FGF13: variants seen among roughly 807,000 people sequenced by gnomAD.
FGF13 encodes fibroblast growth factor homologous factor 2.
Under a neutral mutation model 19.5 loss-of-function variants are expected in FGF13, and 2 were observed. The ratio of observed to expected loss-of-function variants is 0.10; its 90% CI spans 0.04 to 0.32. The LOEUF (loss-of-function observed/expected upper bound fraction) is 0.32, where lower values mean the gene tolerates loss of function less well. Ranked by LOEUF, FGF13 falls within the 10% of genes least tolerant of loss-of-function variation. FGF13 has a pLI of 1.00. For missense variants in FGF13, 113 were observed against 192.7 expected, an observed-to-expected ratio of 0.59 and a Z score of 2.45; for synonymous variants, 72 against 76.9, an observed-to-expected ratio of 0.94 and a Z score of 0.33.
chrX:138,713,648 C>G (rs939424561), upstream of FGF13, among the ~76,000 whole-genome samples: 1 of 111,413 alleles, frequency 9.0e-6, no homozygotes, highest in African/African-American at 3.3e-5. Flanking sequence ...AGGGCTTTCC[C>G]ACACCGTTTT....
At chrX:138,698,897 A>C (rs769047146) in intron 3 of FGF13, among the ~76,000 whole-genome samples, 1 of 112,047 alleles carries the variant, frequency 8.9e-6, no homozygotes, top group East Asian at 2.8e-4. Context: ...AAGCAGCCGT[A>C]GACAATAAGT....
intron 1 of FGF13, among the ~76,000 whole-genome samples, chrX:138,872,013 T>C (rs2091360061): frequency 8.9e-6 from 1 of 111,742 alleles, no homozygotes; most frequent in South Asian, 3.8e-4. Flanking sequence ...GGCGCAAAGA[T>C]GGAAGCAGGG....
At chrX:138,966,848 G>A (rs1392647741) in intron 1 of FGF13, among the ~76,000 whole-genome samples, 2 of 111,449 alleles carry the variant, frequency 1.8e-5, no homozygotes, top group Non-Finnish European at 3.8e-5. Context: ...ACAAAGTGGA[G>A]ATAACTGAAT....
At chrX:138,761,246 A>G (rs997142442) in intron 3 of FGF13, among the ~76,000 whole-genome samples, 2 of 111,805 alleles carry the variant, frequency 1.8e-5, no homozygotes, top group Non-Finnish European at 3.8e-5. Context: ...ATTCTCTACA[A>G]TGCTGCCTGC....
chrX:138,662,000 C>A lies in FGF13; in HGVS notation c.403-26345G>T, dbSNP rs1248322132. On this transcript the variant is annotated intron_variant, in intron 3 of 4. Transcript: ENST00000315930. ...ATAAAAATTCTAATCTGCATATTAACCAAGATTTTCTTCTCTTTGGAGGAG... is the reference window on the plus strand; with the variant it reads ...ATAAAAATTCTAATCTGCATATTAAACAAGATTTTCTTCTCTTTGGAGGAG... Among the ~76,000 whole-genome samples, 6 of 111,716 alleles carry A rather than the reference C, an allele frequency of 5.4e-5. No individual in the cohort carries two copies. The East Asian group carries it at 1.7e-3, about 32-fold the overall frequency.
chrX:138,954,435 C>A (rs1022164052), intron 1 of FGF13, among the ~76,000 whole-genome samples: 6 of 111,408 alleles, frequency 5.4e-5, no homozygotes, highest in African/African-American at 2.0e-4. Flanking sequence ...AATCCCTTAC[C>A]AGTTGTGTGG....
At chrX:139,049,406 T>C (rs1000035882) in intron 1 of FGF13, among the ~76,000 whole-genome samples, 8 of 111,974 alleles carry the variant, frequency 7.1e-5, no homozygotes, top group African/African-American at 2.6e-4. Flanking sequence ...AACCTAACTT[T>C]GTAATTAAAA....
intron 3 of FGF13, among the ~76,000 whole-genome samples, chrX:138,681,830 AG>A (rs942887001): frequency 4.5e-5 from 5 of 111,944 alleles, no homozygotes; most frequent in Non-Finnish European, 9.4e-5. Flanking sequence ...ATGGCCTGTC[AG>A]TAGAGCAGTC....
chrX:138,761,100 T>G (rs1189564812), intron 3 of FGF13, among the ~76,000 whole-genome samples: 1 of 111,988 alleles, frequency 8.9e-6, no homozygotes, highest in Non-Finnish European at 1.9e-5. Flanking sequence ...TCATATCATG[T>G]AGATTTATGT....
At chrX:138,808,123 A>G (rs1177833940) in intron 3 of FGF13, among the ~76,000 whole-genome samples, 1 of 111,789 alleles carries the variant, frequency 8.9e-6, no homozygotes, top group East Asian at 2.8e-4. Context: ...TCCACCCCAA[A>G]TCAACAGAAT....
At chrX:138,958,807 G>A (rs914516675) in intron 1 of FGF13, among the ~76,000 whole-genome samples, 22 of 111,729 alleles carry the variant, frequency 2.0e-4, no homozygotes, top group African/African-American at 6.5e-4. Context: ...GTTTATTTGT[G>A]TAGAGGTGTT....
At chrX:139,029,954 T>C (rs1378647085) in intron 1 of FGF13, among the ~76,000 whole-genome samples, 1 of 111,940 alleles carries the variant, frequency 8.9e-6, no homozygotes, top group Non-Finnish European at 1.9e-5. Context: ...CCATACCATC[T>C]TTCTCACAAC....
At chrX:138,983,590 T>C (rs1458313087) in intron 1 of FGF13, among the ~76,000 whole-genome samples, 1 of 108,400 alleles carries the variant, frequency 9.2e-6, no homozygotes, top group Non-Finnish European at 1.9e-5. Context: ...GAACGTAAAA[T>C]GGGGCAGCTG....
chrX:139,099,142 A>T (rs1466836987), intron 1 of FGF13, among the ~76,000 whole-genome samples: 2 of 111,040 alleles, frequency 1.8e-5, no homozygotes, highest in East Asian at 5.7e-4. Flanking sequence ...GGACACACGC[A>T]TCTTAGCCAT....
intron 1 of FGF13, among the ~76,000 whole-genome samples, chrX:138,926,881 G>A (rs2091676777): frequency 9.0e-6 from 1 of 111,461 alleles, no homozygotes; most frequent in African/African-American, 3.3e-5. Flanking sequence ...GCTTGAATCC[G>A]GGAGGCAGAG....
intron 1 of FGF13, among the ~76,000 whole-genome samples, chrX:139,097,501 C>T (rs1192552466): frequency 9.1e-6 from 1 of 110,105 alleles, no homozygotes; most frequent in Non-Finnish European, 1.9e-5. Context: ...CTACAATATA[C>T]CCAGGTAACA....
intron 1 of FGF13, among the ~76,000 whole-genome samples, chrX:138,876,208 A>G (rs949259279): frequency 8.9e-6 from 1 of 112,600 alleles, no homozygotes; most frequent in African/African-American, 3.2e-5. Flanking sequence ...ATACAGGGTG[A>G]TAGTTCCACA....
intron 3 of FGF13, among the ~76,000 whole-genome samples, chrX:138,641,740 T>C (rs2089253528): frequency 9.0e-6 from 1 of 111,490 alleles, no homozygotes; most frequent in African/African-American, 3.3e-5. Context: ...ATGAATTTCA[T>C]TATTACTGAG....
intron 1 of FGF13, among the ~76,000 whole-genome samples, chrX:138,916,648 C>T (rs1020276491): frequency 1.8e-5 from 2 of 112,296 alleles, no homozygotes; most frequent in Admixed American, 9.4e-5. Flanking sequence ...AAAGCTGCTT[C>T]GCCTAAGAGA....
Sources: allele counts gnomAD v4.1 joint callset (sites outside exome capture counted in the v4.1 genomes callset), GRCh38; gene constraint gnomAD v4.1.1; transcripts MANE v1.5; gene names NCBI Gene and HGNC (gene_info 2026-07-23, HGNC 2026-07-21).